KCNG3: variants seen among roughly 807,000 people sequenced by gnomAD.
The protein encoded by KCNG3 is voltage-gated potassium channel regulatory subunit KCNG3.
A neutral mutation model predicts 29.0 loss-of-function variants in KCNG3; 15 were observed. The ratio of observed to expected loss-of-function variants is 0.52; its 90% CI spans 0.35 to 0.80. KCNG3 has a LOEUF of 0.80. KCNG3 is among the 30% of genes least tolerant of loss of function. The pLI is 0.01. For missense variants in KCNG3, 512 were observed against 605.7 expected, an observed-to-expected ratio of 0.85 and a Z score of 1.62; for synonymous variants, 322 against 248.9, an observed-to-expected ratio of 1.29 and a Z score of -2.76.
intron 1 of KCNG3, among the ~76,000 whole-genome samples, chr2:42,453,964 C>T (rs1412806103): frequency 6.6e-6 from 1 of 151,952 alleles, no homozygotes; most frequent in Non-Finnish European, 1.5e-5. Flanking sequence ...AAGAGACTGT[C>T]CTGGACAAAG....
chr2:42,492,715 G>C (rs1306732975), intron 1 of KCNG3, 122 bp downstream of exon 1: 11 of 802,466 alleles, frequency 1.4e-5, no homozygotes. Context: ...CCTGGGCCTC[G>C]CTGGGCGCGC....
intron 1 of KCNG3, among the ~76,000 whole-genome samples, chr2:42,477,078 G>A (rs1212211035): frequency 3.3e-5 from 5 of 150,644 alleles, no homozygotes; most frequent in Admixed American, 6.6e-5. Context: ...TGTAGTCCCA[G>A]CTGCTCAGGA....
At chr2:42,399,028 C>CT in the KCNG3 span, among the ~76,000 whole-genome samples, 3 of 142,908 alleles carry the variant, frequency 2.1e-5, no homozygotes, top group African/African-American at 7.7e-5. Flanking sequence ...TTGGGTTGTT[C>CT]TTTTTTTCTT....
At chr2:42,433,071 T>C in the KCNG3 span, among the ~76,000 whole-genome samples, 1 of 152,140 alleles carries the variant, frequency 6.6e-6, no homozygotes, top group Non-Finnish European at 1.5e-5. Flanking sequence ...GACTGCAATT[T>C]TTCCCCCAAG....
chr2:42,415,459 C>T, the KCNG3 span: 1 of 151,986 alleles, frequency 6.6e-6, no homozygotes, highest in Admixed American at 6.6e-5. Context: ...TGATTTTTTC[C>T]TCTGACCCAG....
At chr2:42,421,975 G>A in the KCNG3 span, among the ~76,000 whole-genome samples, 3 of 152,152 alleles carry the variant, frequency 2.0e-5, no homozygotes, top group Non-Finnish European at 4.4e-5. Context: ...TATTACAAGA[G>A]ACACAGTGAG....
intron 1 of KCNG3, among the ~76,000 whole-genome samples, chr2:42,473,311 G>A (rs114840850): frequency 0.01 from 1,539 of 151,830 alleles, 24 homozygotes; most frequent in African/African-American, 0.035. Flanking sequence ...TGACTTTTAT[G>A]CATAATTTCC....
intron 1 of KCNG3, among the ~76,000 whole-genome samples, chr2:42,456,372 T>C (rs927705693): frequency 9.9e-5 from 15 of 151,846 alleles, no homozygotes; most frequent in African/African-American, 3.6e-4. Flanking sequence ...CTACAAAAAA[T>C]ACAAAAATTA....
At chr2:42,488,868 T>C (rs1673800084) in intron 1 of KCNG3, among the ~76,000 whole-genome samples, 1 of 150,310 alleles carries the variant, frequency 6.7e-6, no homozygotes, top group South Asian at 2.1e-4. Flanking sequence ...CATTTTAAAT[T>C]ATACAATAGA....
the KCNG3 span, among the ~76,000 whole-genome samples, chr2:42,403,502 C>CA: frequency 9.0e-6 from 1 of 111,064 alleles, no homozygotes; most frequent in Non-Finnish European, 1.8e-5. Context: ...TTTTTTGAGA[C>CA]AGAGTCTCAC....
At position 42,493,621 on chromosome 2, in the gene KCNG3, C is replaced by A; in HGVS notation, c.-120G>T. 1.1e-6 allele frequency: 1 copy of A among 874,166 alleles called. No individual in the cohort carries two copies. Among genetic ancestry groups the A allele is most frequent in the South Asian group, 5.7e-5 (1 of 17,638 alleles). The allele number at this position is 874,166 out of a possible 1,614,324, so 54.2% of individuals were successfully genotyped here. A position where few individuals can be genotyped will look rare whatever the true frequency, so the allele number is the denominator to read the frequency against. On this transcript the variant is annotated 5_prime_UTR_variant, in exon 1 of 2. Coordinates refer to ENST00000306078, the MANE Select transcript of KCNG3 (RefSeq NM_133329.6). Reference sequence around the variant, plus strand: ...GGAGCGCGCCGTCGGGGCCCGCGCTCCCTCGGGGCTCCGCTCCTGCCCTCC... The same window carrying A: ...GGAGCGCGCCGTCGGGGCCCGCGCTACCTCGGGGCTCCGCTCCTGCCCTCC...
chr2:42,419,033 T>C, the KCNG3 span, among the ~76,000 whole-genome samples: 1 of 152,028 alleles, frequency 6.6e-6, no homozygotes, highest in Non-Finnish European at 1.5e-5. Context: ...TGATTAAGAA[T>C]GTACTCAAAT....
At chr2:42,435,742 G>T in the KCNG3 span, among the ~76,000 whole-genome samples, 5 of 152,164 alleles carry the variant, frequency 3.3e-5, no homozygotes, top group African/African-American at 4.8e-5. Context: ...AAAGGAAAAT[G>T]ACAAGAGTTG....
At chr2:42,434,177 C>T in the KCNG3 span, among the ~76,000 whole-genome samples, 1 of 152,190 alleles carries the variant, frequency 6.6e-6, no homozygotes, top group Non-Finnish European at 1.5e-5. Flanking sequence ...AATGGCCAGG[C>T]ACTGTAGCCT....
chr2:42,396,392 T>C, the KCNG3 span, among the ~76,000 whole-genome samples: 2 of 152,310 alleles, frequency 1.3e-5, 1 homozygote, highest in South Asian at 4.1e-4. Context: ...TGTGGGGAAG[T>C]ATTGGGATTT....
At chr2:42,456,901 T>C (rs1365221547) in intron 1 of KCNG3, among the ~76,000 whole-genome samples, 1 of 152,146 alleles carries the variant, frequency 6.6e-6, no homozygotes, top group Admixed American at 6.5e-5. Context: ...ATAAGAGTTT[T>C]CTCCACAACA....
At chr2:42,406,487 G>T in the KCNG3 span, among the ~76,000 whole-genome samples, 1 of 150,888 alleles carries the variant, frequency 6.6e-6, no homozygotes, top group Non-Finnish European at 1.5e-5. Flanking sequence ...CCAAAGTGCT[G>T]GGATTACAGG....
At chr2:42,476,453 G>C (rs1194110832) in intron 1 of KCNG3, among the ~76,000 whole-genome samples, 1 of 151,740 alleles carries the variant, frequency 6.6e-6, no homozygotes, top group African/African-American at 2.4e-5. Context: ...ATCCAGCCTG[G>C]ACAACAGAGT....
the KCNG3 span, among the ~76,000 whole-genome samples, chr2:42,423,761 C>G: frequency 6.7e-6 from 1 of 148,928 alleles, no homozygotes; most frequent in African/African-American, 2.5e-5. Context: ...GTACCTTCCA[C>G]ATATGTGGCT....
Sources: gnomAD v4.1 joint callset for allele counts (sites outside exome capture counted in the v4.1 genomes callset) on GRCh38, gnomAD v4.1.1 for gene constraint, MANE v1.5 for transcripts, NCBI Gene and HGNC (gene_info 2026-07-23, HGNC 2026-07-21) for gene names.